The following ARHGEF11 variants were observed in gnomAD, a reference collection of about 807,000 sequenced individuals.
ARHGEF11 encodes the protein Rho guanine exchange factor (GEF) 11.
Under a neutral mutation model 193.7 loss-of-function variants are expected in ARHGEF11, and 55 were observed. The observed-to-expected ratio is 0.28, with a 90% CI of 0.23 to 0.36. ARHGEF11 has a LOEUF of 0.36. Among genes scored for constraint, ARHGEF11 ranks in the 10% least tolerant of loss-of-function variants. The probability of loss-of-function intolerance (pLI) is 1.00; values close to 1 mark genes in which losing one functional copy is unlikely to be tolerated. For missense variants in ARHGEF11, 1,723 were observed against 2,005.6 expected, an observed-to-expected ratio of 0.86 and a Z score of 2.69; for synonymous variants, 693 against 768.0, an observed-to-expected ratio of 0.90 and a Z score of 1.62.
At chr1:156,958,969 G>A (rs539621320) in intron 16 of ARHGEF11, 77 bp downstream of exon 16, 113 of 1,607,020 alleles carry the variant, frequency 7.0e-5, no homozygotes, top group Middle Eastern at 1.7e-4. Context: ...ATATGTGCAC[G>A]TCCCAGAGGG....
At chr1:157,014,880 C>G (rs1267758480) in intron 1 of ARHGEF11, among the ~76,000 whole-genome samples, 1 of 152,180 alleles carries the variant, frequency 6.6e-6, no homozygotes, top group Non-Finnish European at 1.5e-5. Context: ...ACAGTGCGTA[C>G]TCTCCTTTTA....
intron 1 of ARHGEF11, among the ~76,000 whole-genome samples, chr1:157,005,852 C>T (rs956026208): frequency 1.3e-5 from 2 of 152,174 alleles, no homozygotes; most frequent in East Asian, 3.8e-4. Context: ...TGTTTTGACA[C>T]CCTTTTCTAG....
At chr1:156,983,301 C>A (rs1437986005) in intron 3 of ARHGEF11, among the ~76,000 whole-genome samples, 1 of 152,212 alleles carries the variant, frequency 6.6e-6, no homozygotes, top group Non-Finnish European at 1.5e-5. Flanking sequence ...TGGCTCACCG[C>A]AAGCTCCGGC....
At chr1:157,031,231 C>T (rs1414732550) in intron 1 of ARHGEF11, among the ~76,000 whole-genome samples, 1 of 152,040 alleles carries the variant, frequency 6.6e-6, no homozygotes, top group African/African-American at 2.4e-5. Flanking sequence ...TCCCATAGGC[C>T]ACACCAACAA....
intron 40 of ARHGEF11, chr1:156,936,268 G>C (rs761724864): frequency 4.0e-6 from 3 of 745,280 alleles, no homozygotes; most frequent in Non-Finnish European, 7.6e-6. Flanking sequence ...GTAGGTATGT[G>C]CCTTGTCTTC....
In ARHGEF11 at chr1:156,970,588, A is replaced by G. The variant is rs1405324311; in HGVS notation, c.703-545T>C. The stretch of plus-strand genomic sequence containing the variant: ...GTTATCAATGAGGAAACAGAAGCTC[A>G]GAGATCTTAAGTAACTTGCCCAAGA... On this transcript the variant is annotated intron_variant, in intron 8 of 40. Coordinates refer to ENST00000368194, the MANE Select transcript of ARHGEF11 (RefSeq NM_198236.3). 2.0e-5 allele frequency among the ~76,000 whole-genome samples: 3 copies of G among 152,244 alleles called. No homozygotes were observed. The East Asian group carries it at 5.8e-4, about 29-fold the overall frequency.
At chr1:156,938,078 C>T (rs567849738) in intron 38 of ARHGEF11, among the ~76,000 whole-genome samples, 5 of 152,298 alleles carry the variant, frequency 3.3e-5, no homozygotes, top group South Asian at 2.1e-4. Flanking sequence ...ACTGGAGCGG[C>T]GGCTGAGGTG....
chr1:156,959,166 C>G, intron 15 of ARHGEF11, 24 bp from the exon 16 acceptor site: 1 of 1,606,540 alleles, frequency 6.2e-7, no homozygotes, highest in South Asian at 1.1e-5. Flanking sequence ...TCAGAGAAAG[C>G]AGAGTGGATG....
chr1:156,955,619 G>T, intron 20 of ARHGEF11, 84 bp downstream of exon 20: 1 of 1,058,398 alleles, frequency 9.4e-7, no homozygotes, highest in Non-Finnish European at 1.5e-6. Context: ...ACACAGGAAG[G>T]CCCTCTGCCA....
chr1:156,961,482 T>C (rs1660839509), intron 14 of ARHGEF11, among the ~76,000 whole-genome samples, 195 bp downstream of exon 14: 2 of 152,326 alleles, frequency 1.3e-5, no homozygotes, highest in South Asian at 4.1e-4. Context: ...GTATTCTATA[T>C]GTGGAACAAC....
intron 7 of ARHGEF11, among the ~76,000 whole-genome samples, chr1:156,976,373 G>C (rs1020235349): frequency 6.6e-6 from 1 of 151,786 alleles, no homozygotes; most frequent in African/African-American, 2.4e-5. Context: ...TAAGCTCTTT[G>C]TTCCTCCCAC....
intron 12 of ARHGEF11, 83 bp from the exon 13 acceptor site, chr1:156,963,387 G>A (rs558817902): frequency 2.2e-5 from 33 of 1,491,782 alleles, no homozygotes; most frequent in Middle Eastern, 1.8e-4. Context: ...GTGATTCCCC[G>A]TCCTGGGTTC....
rs1459234369 is a variant in ARHGEF11, at chr1:156,983,997, A to G, written c.223+342T>C. On this transcript the variant is annotated intron_variant, in intron 3 of 40. Coordinates refer to ENST00000368194, the MANE Select transcript of ARHGEF11 (RefSeq NM_198236.3). ...CTGTGCACTTAGCCAGGTAATGTGGAGGTAAATATGAAGAAAGGGGGCCTT... is the reference window on the plus strand; with the variant it reads ...CTGTGCACTTAGCCAGGTAATGTGGGGGTAAATATGAAGAAAGGGGGCCTT... 4.6e-5 allele frequency among the ~76,000 whole-genome samples: 7 copies of G among 152,214 alleles called. No homozygotes were observed. In the East Asian group the frequency reaches 1.3e-3, roughly 29 times the overall value.
chr1:157,036,877 G>C (rs1430025113), intron 1 of ARHGEF11, among the ~76,000 whole-genome samples: 1 of 152,106 alleles, frequency 6.6e-6, no homozygotes, highest in Non-Finnish European at 1.5e-5. Flanking sequence ...TGTAATCCCA[G>C]CACTGTGGGA....
At chr1:156,997,351 C>T (rs1326219212) in intron 1 of ARHGEF11, among the ~76,000 whole-genome samples, 4 of 152,130 alleles carry the variant, frequency 2.6e-5, no homozygotes, top group South Asian at 4.1e-4. Context: ...GGGCCTTAAA[C>T]GGTATCTAAG....
At chr1:156,941,249 C>T (rs1159917022) in intron 35 of ARHGEF11, 123 bp downstream of exon 35, 3 of 862,520 alleles carry the variant, frequency 3.5e-6, no homozygotes, top group African/African-American at 1.7e-5. Flanking sequence ...CTTCTCTACT[C>T]TTTATCAAAA....
At chr1:156,949,040 CT>C in intron 22 of ARHGEF11, 1 of 985,460 alleles carries the variant, frequency 1.0e-6, no homozygotes, top group Non-Finnish European at 1.2e-6. Flanking sequence ...ATTTTCCACA[CT>C]GCCTGTCAGA....
intron 1 of ARHGEF11, among the ~76,000 whole-genome samples, chr1:157,024,101 T>TA (rs71084209): frequency 0.96 from 146,655 of 152,182 alleles, 70,873 homozygotes; most frequent in Middle Eastern, 1. Context: ...TTAATTGGCA[T>TA]AAAAAAATGA....
chr1:156,939,669 C>A lies in ARHGEF11; in HGVS notation c.3975G>T (p.Leu1325=), dbSNP rs1346266405. The A allele has an allele frequency of 6.2e-7, 1 of 1,614,030 alleles. No individual in the cohort carries two copies. Among genetic ancestry groups the A allele is most frequent in the Non-Finnish European group, 8.5e-7 (1 of 1,180,032 alleles). Reference sequence around the variant, plus strand: ...TTCTGGTCCTTGGGGGTAGGTGTTCCAGAGAACAGAGACCCATGTCTTCCT... The same window carrying A: ...TTCTGGTCCTTGGGGGTAGGTGTTCAAGAGAACAGAGACCCATGTCTTCCT... ...PEQEDMGLCS[L]EHLPPRTRNS... The change falls in exon 37 of 41, where the codon CTG becomes CTT. Residue 1325 remains leucine, a synonymous_variant. Transcript: ENST00000368194.
Sources: gnomAD v4.1 joint callset for allele counts (sites outside exome capture counted in the v4.1 genomes callset) on GRCh38, gnomAD v4.1.1 for gene constraint, MANE v1.5 for transcripts, NCBI Gene and HGNC (gene_info 2026-07-23, HGNC 2026-07-21) for gene names.